Variants in SPATA6 observed in about 807,000 individuals in gnomAD.
SPATA6 encodes the protein spermatogenesis-associated protein 6.
Under a neutral mutation model 65.3 loss-of-function variants are expected in SPATA6, and 56 were observed. The observed-to-expected ratio is 0.86, with a 90% CI of 0.69 to 1.07. The LOEUF is 1.07. Among genes scored for constraint, SPATA6 ranks in the 50% least tolerant of loss-of-function variants. The pLI is 0.00. For missense variants in SPATA6, 590 were observed against 594.8 expected (o/e 0.99, Z 0.08); for synonymous variants, 199 against 213.2 (o/e 0.93, Z 0.58).
In SPATA6 at chr1:48,355,014, C is replaced by T. The variant is rs151265428; in HGVS notation, c.1194+656G>A. Among the ~76,000 whole-genome samples, 1,063 of 152,060 alleles carry T rather than the reference C, an allele frequency of 7.0e-3. 14 individuals carry two copies. The highest frequency in any genetic ancestry group is 0.025 in the African/African-American group (1,019 of 41,530). On this transcript the variant is annotated intron_variant, in intron 11 of 12. Coordinates refer to ENST00000371847, the MANE Select transcript of SPATA6 (RefSeq NM_019073.4). ...AAGGTCATATAAACCCCTTATACCC[C>T]CCCAAGACTAATCTTAGTGTCCAGC...
intron 3 of SPATA6, among the ~76,000 whole-genome samples, chr1:48,423,641 G>A (rs868661796): frequency 1.5e-4 from 20 of 134,902 alleles, no homozygotes; most frequent in Middle Eastern, 4.2e-3. Flanking sequence ...TCCACCTCCC[G>A]AATTCAAGTG....
chr1:48,412,007 C>T (rs958842022), intron 4 of SPATA6, among the ~76,000 whole-genome samples: 1 of 152,038 alleles, frequency 6.6e-6, no homozygotes, highest in South Asian at 2.1e-4. Context: ...GCTGGGACTA[C>T]AGGCATGCGC....
chr1:48,349,840 C>G (rs1425621763), intron 11 of SPATA6, among the ~76,000 whole-genome samples: 2 of 151,872 alleles, frequency 1.3e-5, no homozygotes, highest in Non-Finnish European at 2.9e-5. Flanking sequence ...TGAAGACAGA[C>G]ATGCCATAGT....
At chr1:48,466,556 T>A (rs1043405715) in intron 1 of SPATA6, among the ~76,000 whole-genome samples, 8 of 151,958 alleles carry the variant, frequency 5.3e-5, no homozygotes, top group Non-Finnish European at 1.0e-4. Flanking sequence ...AGAGGAGGCC[T>A]CACCTACATG....
intron 11 of SPATA6, chr1:48,344,459 A>G (rs1297912838): frequency 6.6e-6 from 1 of 152,146 alleles, no homozygotes; most frequent in Non-Finnish European, 1.5e-5. Context: ...CAGTGACTCT[A>G]TAAAGGAACC....
At chr1:48,358,669 G>T (rs190798191) in intron 10 of SPATA6, among the ~76,000 whole-genome samples, 339 of 152,154 alleles carry the variant, frequency 2.2e-3, no homozygotes, top group South Asian at 4.8e-3. Flanking sequence ...CTGAATTTTT[G>T]ATGTTATTGT....
intron 11 of SPATA6, among the ~76,000 whole-genome samples, chr1:48,332,186 AC>A (rs2148732703): frequency 6.6e-6 from 1 of 152,334 alleles, no homozygotes; most frequent in African/African-American, 2.4e-5. Flanking sequence ...GTCTAGCATA[AC>A]AACCACTTAA....
At chr1:48,322,136 CAAGA>C (rs1645616645) in intron 11 of SPATA6, among the ~76,000 whole-genome samples, 1 of 151,556 alleles carries the variant, frequency 6.6e-6, no homozygotes, top group Non-Finnish European at 1.5e-5. Flanking sequence ...ACTAGAAAGG[CAAGA>C]AAAAACCAAA....
chr1:48,356,853 A>G (rs1400355343), intron 10 of SPATA6, among the ~76,000 whole-genome samples: 2 of 152,202 alleles, frequency 1.3e-5, no homozygotes, highest in Non-Finnish European at 2.9e-5. Flanking sequence ...TAAACAGGAT[A>G]AATGTTTTAT....
At chr1:48,466,976 T>C (rs768937358) in intron 1 of SPATA6, among the ~76,000 whole-genome samples, 30 of 152,090 alleles carry the variant, frequency 2.0e-4, no homozygotes, top group Middle Eastern at 3.2e-3. Flanking sequence ...ATATTAAATA[T>C]AAAAAGAAGG....
Position 48,472,183 on chromosome 1 carries a change from C to A in SPATA6, c.-175G>T, listed in dbSNP as rs1220750005. 9.4e-6 allele frequency: 5 copies of A among 533,694 alleles called. No homozygotes were observed. In the East Asian group the frequency reaches 1.7e-4, roughly 19 times the overall value. The allele number at this position is 533,694 out of a possible 1,614,324, so 33.1% of individuals were successfully genotyped here. ...GTTCCGCCGGAGAAGCAGCTGAGCG[C>A]GGGGCGCAGACTCGTTGTCATGGCA... is the stretch of plus-strand genomic sequence containing the variant. On this transcript the variant is annotated 5_prime_UTR_variant, in exon 1 of 13. Transcript: ENST00000371847.
At chr1:48,317,997 C>G (rs913896765) in intron 11 of SPATA6, among the ~76,000 whole-genome samples, 1 of 152,094 alleles carries the variant, frequency 6.6e-6, no homozygotes, top group African/African-American at 2.4e-5. Flanking sequence ...GCAAGGTTGA[C>G]TCATATAAAA....
chr1:48,416,508 T>A (rs1652802146), intron 3 of SPATA6, among the ~76,000 whole-genome samples: 3 of 152,148 alleles, frequency 2.0e-5, no homozygotes, highest in African/African-American at 7.2e-5. Flanking sequence ...TGTATATATG[T>A]ACACACAAAT....
At chr1:48,436,000 A>G (rs1037040786) in intron 3 of SPATA6, 8 of 1,607,386 alleles carry the variant, frequency 5.0e-6, no homozygotes, top group Middle Eastern at 2.2e-4. Flanking sequence ...CACTTCAAGA[A>G]CACAAGATGA....
At chr1:48,376,257 G>A (rs1399216023) in intron 9 of SPATA6, among the ~76,000 whole-genome samples, 1 of 152,108 alleles carries the variant, frequency 6.6e-6, no homozygotes, top group Non-Finnish European at 1.5e-5. Flanking sequence ...ATGTGGTTGA[G>A]TTTTAAGCAC....
the SPATA6 span, among the ~76,000 whole-genome samples, chr1:48,273,128 T>C: frequency 6.6e-6 from 1 of 152,194 alleles, no homozygotes; most frequent in African/African-American, 2.4e-5. Context: ...TAGCCTCAAC[T>C]CTTTATTTTT....
intron 3 of SPATA6, among the ~76,000 whole-genome samples, chr1:48,445,332 C>G (rs1183001606): frequency 1.3e-5 from 2 of 152,192 alleles, no homozygotes; most frequent in Non-Finnish European, 2.9e-5. Context: ...CTATTCCCCT[C>G]CTTTCCCCTT....
At chr1:48,365,211 A>G (rs1275036612) in intron 9 of SPATA6, among the ~76,000 whole-genome samples, 1 of 152,116 alleles carries the variant, frequency 6.6e-6, no homozygotes, top group African/African-American at 2.4e-5. Context: ...GCCTTGTAGT[A>G]TAGTTTGAAG....
intron 11 of SPATA6, among the ~76,000 whole-genome samples, chr1:48,330,664 T>G (rs79637955): frequency 0.035 from 5,402 of 152,284 alleles, 313 homozygotes; most frequent in African/African-American, 0.12. Flanking sequence ...CCTGAATGTG[T>G]TGAGGGGCAC....
Sources: allele counts gnomAD v4.1 joint callset (sites outside exome capture counted in the v4.1 genomes callset), GRCh38; gene constraint gnomAD v4.1.1; transcripts MANE v1.5; gene names NCBI Gene and HGNC (gene_info 2026-07-23, HGNC 2026-07-21).